The following EXD1 variants were observed in gnomAD, a reference collection of about 807,000 sequenced individuals.
EXD1 encodes piRNA biogenesis protein EXD1.
A neutral mutation model predicts 49.1 loss-of-function variants in EXD1; 63 were observed. The ratio of observed to expected loss-of-function variants is 1.28; its 90% CI spans 1.05 to 1.58. The LOEUF (loss-of-function observed/expected upper bound fraction) is 1.58, where lower values mean the gene tolerates loss of function less well. EXD1 is among the 40% of genes most tolerant of loss of function. EXD1 has a pLI of 0.00. For missense variants in EXD1, 748 were observed against 666.0 expected (o/e 1.12, Z -1.36); for synonymous variants, 234 against 239.2 (o/e 0.98, Z 0.20).
chr15:41,218,165 C>T (rs534390086), intron 3 of EXD1, among the ~76,000 whole-genome samples: 1 of 151,946 alleles, frequency 6.6e-6, no homozygotes, highest in South Asian at 2.1e-4. Context: ...GCCAACATGG[C>T]GAAACCCTGT....
At chr15:41,185,671 C>T (rs1256736153) in intron 11 of EXD1, among the ~76,000 whole-genome samples, 1 of 151,934 alleles carries the variant, frequency 6.6e-6, no homozygotes, top group African/African-American at 2.4e-5. Flanking sequence ...CAGGTGTGTG[C>T]CACCACGCCT....
chr15:41,184,658 CTT>C (rs11454626), intron 11 of EXD1, 65 bp from the exon 12 acceptor site: 579 of 1,256,270 alleles, frequency 4.6e-4, no homozygotes, highest in South Asian at 7.9e-4. Context: ...CTTAAAATCA[CTT>C]TTTTTTTTTT....
chr15:41,189,868 G>T, intron 11 of EXD1, 69 bp downstream of exon 11: 1 of 1,479,286 alleles, frequency 6.8e-7, no homozygotes, highest in Non-Finnish European at 9.3e-7. Flanking sequence ...TATGAAGAAA[G>T]GGTATCACTG....
rs148821142 is a variant in EXD1 at position 41,198,376 on chromosome 15, A to G, written c.535-2339T>C. 3.8e-3 allele frequency among the ~76,000 whole-genome samples: 580 copies of G among 152,264 alleles called. 6 individuals carry two copies. The highest frequency in any genetic ancestry group is 0.013 in the African/African-American group (538 of 41,544). ...CAATGACTTAATCATTTATGCCTAC[A>G]TAATGAAGCCTCCATTAAAAACCCC... is the stretch of plus-strand genomic sequence containing the variant. On this transcript the variant is annotated intron_variant, in intron 7 of 11. Coordinates refer to ENST00000458580, the MANE Select transcript of EXD1 (RefSeq NM_001286441.2).
At chr15:41,202,424 G>A (rs566815514) in intron 7 of EXD1, among the ~76,000 whole-genome samples, 2 of 151,952 alleles carry the variant, frequency 1.3e-5, no homozygotes, top group Admixed American at 6.6e-5. Flanking sequence ...TGATCTACCC[G>A]CCTCAGCCTC....
intron 9 of EXD1, among the ~76,000 whole-genome samples, chr15:41,193,833 T>C (rs1300831163): frequency 2.0e-5 from 3 of 151,798 alleles, no homozygotes; most frequent in Non-Finnish European, 4.4e-5. Context: ...TAATTATTTA[T>C]CTATATGTGG....
At chr15:41,213,501 T>TGTTTGTTTTGTTTTGTTTTGTTTTG (rs2046953636) in intron 6 of EXD1, among the ~76,000 whole-genome samples, 1 of 150,338 alleles carries the variant, frequency 6.7e-6, no homozygotes, top group African/African-American at 2.5e-5. Flanking sequence ...GTCCAGCCAG[T>TGTTTGTTTTGTTTTGTTTTGTTTTG]TTTTGTTTTG....
At chr15:41,217,529 C>CTTTTTT (rs3033817) in intron 3 of EXD1, among the ~76,000 whole-genome samples, 14 of 127,128 alleles carry the variant, frequency 1.1e-4, no homozygotes, top group African/African-American at 2.5e-4. Context: ...GAGGGTTTTC[C>CTTTTTT]TTTTTTTTTT....
At position 41,191,454 on chromosome 15, in the gene EXD1, TTG is replaced by T. The variant is rs770447274; in HGVS notation, c.850_851del (p.Gln284LysfsTer40). 38 of 1,610,116 alleles carry T rather than the reference TTG, an allele frequency of 2.4e-5. No individual in the cohort carries two copies. Among genetic ancestry groups the T allele is most frequent in the Non-Finnish European group, 3.2e-5 (38 of 1,176,780 alleles). On this transcript the variant is annotated frameshift_variant, in exon 10 of 12. Coordinates refer to ENST00000458580, the MANE Select transcript of EXD1 (RefSeq NM_001286441.2). LOFTEE classifies it high-confidence loss of function. ...CCTTTACACCCACCTGAATTAGTTT[TTG>T]TCTCTTTTCTAGAAAGGAGAGATAT... is the stretch of plus-strand genomic sequence containing the variant. ...PKYLSFLEKR[Q>X]KLIQENPEVW... is the part of the protein sequence containing the mutation.
At position 41,195,946 on chromosome 15, in the gene EXD1, T is replaced by G. The variant is rs1161214516; in HGVS notation, c.626A>C (p.Lys209Thr). ...HNGLQMILED[K>T]RILKVIHDCR... is the part of the protein sequence containing the mutation. ...TTATATACTTACCTTCAAAATTCTC[T>G]TGTCTTCTAGTATCATCTGAAGTCC... Residue 209 changes from lysine to threonine, a missense_variant, in exon 8 of 12, where the codon AAG (lysine) becomes ACG (threonine). Lys to Thr is a moderately conservative substitution (Grantham distance 78, BLOSUM62 -1). Transcript: ENST00000458580. 7 of 1,610,794 alleles carry G rather than the reference T, an allele frequency of 4.3e-6. No homozygotes were observed. The highest frequency in any genetic ancestry group is 5.9e-6 in the Non-Finnish European group (7 of 1,178,786).
chr15:41,192,887 C>T (rs1228775999), intron 9 of EXD1, among the ~76,000 whole-genome samples: 3 of 150,904 alleles, frequency 2.0e-5, no homozygotes, highest in African/African-American at 4.9e-5. Flanking sequence ...GCTCCGCCTC[C>T]CGGGTTCACG....
rs1468066249 is a variant in EXD1, at chr15:41,199,814, T to C, written c.535-3777A>G. Among the ~76,000 whole-genome samples, 3 of 6,374 alleles carry C rather than the reference T, an allele frequency of 4.7e-4. No individual in the cohort carries two copies. In the Non-Finnish European group the frequency reaches 0.016, roughly 35 times the overall value. 4.2% of individuals were successfully genotyped at this position (6,374 alleles called of 152,430 possible). A position where few individuals can be genotyped will look rare whatever the true frequency, so the allele number is the denominator to read the frequency against. On this transcript the variant is annotated intron_variant, in intron 7 of 11. Coordinates refer to ENST00000458580, the MANE Select transcript of EXD1 (RefSeq NM_001286441.2). The stretch of plus-strand genomic sequence containing the variant: ...AATGTCATATATATTATATATGTCA[T>C]ATATAGATATATGTCAATATATGAT...
intron 7 of EXD1, among the ~76,000 whole-genome samples, chr15:41,208,952 G>C (rs1390820803): frequency 6.6e-6 from 1 of 151,106 alleles, no homozygotes; most frequent in Non-Finnish European, 1.5e-5. Flanking sequence ...CAGCACTAAT[G>C]GCTTTAACAG....
At position 41,230,712 on chromosome 15, in the gene EXD1, A is replaced by C. The variant is rs1421217895; in HGVS notation, c.-287T>G. On this transcript the variant is annotated 5_prime_UTR_variant, in exon 1 of 12. Coordinates refer to ENST00000458580, the MANE Select transcript of EXD1 (RefSeq NM_001286441.2). ...GAAAGGTCCGCGACGCCGGGGACAC[A>C]CGCCGCAGAGGCGACGCCCGCCCGG... The C allele has an allele frequency of 5.8e-6, 4 of 691,146 alleles. No individual in the cohort carries two copies. Among genetic ancestry groups the C allele is most frequent in the African/African-American group, 1.8e-5 (1 of 55,024 alleles). 42.8% of individuals were successfully genotyped at this position (691,146 alleles called of 1,614,324 possible).
At chr15:41,209,056 A>G (rs890728391) in intron 7 of EXD1, among the ~76,000 whole-genome samples, 45 of 152,148 alleles carry the variant, frequency 3.0e-4, no homozygotes, top group African/African-American at 1.1e-3. Flanking sequence ...TAAAGTGAGT[A>G]CCAGGAGAAG....
rs188052422 is a variant in EXD1 at position 41,213,697 on chromosome 15, C to T, written c.447+2078G>A. 3.8e-3 allele frequency among the ~76,000 whole-genome samples: 579 copies of T among 152,060 alleles called. 6 individuals are homozygous for T. The highest frequency in any genetic ancestry group is 0.012 in the African/African-American group (512 of 41,448). ...TATTTTTAGTAGAGATGGGGTTTTG[C>T]CATGTTGGTCAGGCTGTTTTAGTGG... On this transcript the variant is annotated intron_variant, in intron 6 of 11. Transcript: ENST00000458580.
chr15:41,205,780 C>T (rs2046813492), intron 7 of EXD1, among the ~76,000 whole-genome samples: 1 of 151,402 alleles, frequency 6.6e-6, no homozygotes, highest in Admixed American at 6.6e-5. Context: ...ATTACTAACT[C>T]TATGTAAAAC....
intron 1 of EXD1, among the ~76,000 whole-genome samples, chr15:41,228,749 A>G (rs1215661707): frequency 6.6e-6 from 1 of 152,180 alleles, no homozygotes; most frequent in Non-Finnish European, 1.5e-5. Context: ...GCCAGGCTGG[A>G]GTGCAGTACC....
chr15:41,213,620 T>A (rs923972954), intron 6 of EXD1, among the ~76,000 whole-genome samples: 1 of 152,008 alleles, frequency 6.6e-6, no homozygotes, highest in African/African-American at 2.4e-5. Context: ...CCACTCAGCC[T>A]CCCCAGTAAC....
Sources: allele counts gnomAD v4.1 joint callset (sites outside exome capture counted in the v4.1 genomes callset), GRCh38; gene constraint gnomAD v4.1.1; transcripts MANE v1.5; gene names NCBI Gene and HGNC (gene_info 2026-07-23, HGNC 2026-07-21).